The following MMP27 variants were observed in gnomAD, a reference collection of about 807,000 sequenced individuals.
MMP27 encodes matrix metallopeptidase 27.
MMP27 carries 51 observed loss-of-function variants against 48.1 expected under a neutral mutation model. The observed-to-expected ratio is 1.06, with a 90% CI of 0.85 to 1.34. MMP27 has a LOEUF of 1.34. MMP27 is among the 40% of genes most tolerant of loss of function. The pLI is 0.00. For synonymous variants in MMP27, 229 were observed against 208.9 expected (o/e 1.10, Z -0.83); for missense variants, 698 against 619.3 (o/e 1.13, Z -1.35).
At chr11:102,695,853 A>G (rs1353281944) in intron 6 of MMP27, among the ~76,000 whole-genome samples, 2 of 152,240 alleles carry the variant, frequency 1.3e-5, no homozygotes, top group East Asian at 3.8e-4. Context: ...CACTACAGCT[A>G]ACACTTTATT....
intron 9 of MMP27, among the ~76,000 whole-genome samples, chr11:102,692,578 T>C (rs192602094): frequency 6.6e-6 from 1 of 152,354 alleles, no homozygotes; most frequent in Admixed American, 6.5e-5. Flanking sequence ...TCAAATACTT[T>C]GTTTCACACA....
chr11:102,704,654 G>A lies in MMP27; in HGVS notation c.224C>T (p.Thr75Ile). The A allele has an allele frequency of 6.2e-7, 1 of 1,614,042 alleles. No homozygotes were observed. Among genetic ancestry groups the A allele is most frequent in the Non-Finnish European group, 8.5e-7 (1 of 1,179,964 alleles). The change falls in exon 2 of 10, where the codon ACT (threonine) becomes ATT (isoleucine). Residue 75 changes from threonine to isoleucine, a missense_variant. Physicochemically the swap from Thr to Ile is moderately conservative, Grantham distance 89. Coordinates refer to ENST00000260229, the MANE Select transcript of MMP27 (RefSeq NM_022122.3). ...EMQAFFGLTV[T>I]GKLDSNTLEI... Reference sequence around the variant, plus strand: ...AAGGGTGTTTGAGTCCAGTTTTCCAGTCACTGTCAATCCAAAAAATGCTTG... The same window carrying A: ...AAGGGTGTTTGAGTCCAGTTTTCCAATCACTGTCAATCCAAAAAATGCTTG...
chr11:102,694,865 C>G, intron 7 of MMP27, 102 bp downstream of exon 7: 1 of 1,322,494 alleles, frequency 7.6e-7, no homozygotes, highest in South Asian at 1.4e-5. Context: ...AAAAGCCCTG[C>G]GCCTTGGCTC....
At position 102,703,133 on chromosome 11, in the gene MMP27, A is replaced by G. The variant is rs1281641078; in HGVS notation, c.342-15T>C. 4.4e-6 allele frequency: 7 copies of G among 1,605,268 alleles called. No individual in the cohort carries two copies. The highest frequency in any genetic ancestry group is 5.9e-6 in the Non-Finnish European group (7 of 1,177,076). On this transcript the variant is annotated splice_polypyrimidine_tract_variant and intron_variant, in intron 2 of 9. Coordinates refer to ENST00000260229, the MANE Select transcript of MMP27 (RefSeq NM_022122.3). ...AGTTTATTATTCTTAAAAATTAACAAAAATATGTCAATTTCTGGCTTATTC... is the reference window on the plus strand; with the variant it reads ...AGTTTATTATTCTTAAAAATTAACAGAAATATGTCAATTTCTGGCTTATTC...
chr11:102,703,413 G>A (rs905339244), intron 2 of MMP27, among the ~76,000 whole-genome samples: 1 of 152,214 alleles, frequency 6.6e-6, no homozygotes, highest in African/African-American at 2.4e-5. Context: ...TTTATCTCAT[G>A]TACGTGTTGG....
In MMP27 at chr11:102,692,111, G is replaced by A. The variant is rs759691080; in HGVS notation, c.1298-101C>T. 8 of 1,135,114 alleles carry A rather than the reference G, an allele frequency of 7.0e-6. No homozygotes were observed. The East Asian group carries it at 1.1e-4, about 15-fold the overall frequency. 70.3% of individuals were successfully genotyped at this position (1,135,114 alleles called of 1,614,324 possible). A position where few individuals can be genotyped will look rare whatever the true frequency, so the allele number is the denominator to read the frequency against. On this transcript the variant is annotated intron_variant, in intron 9 of 9. Transcript: ENST00000260229. ...GGAAAAAAATAACATTATGGAGAAC[G>A]AAGAAATTTGTGGAATCACATACAT... is the stretch of plus-strand genomic sequence containing the variant.
At chr11:102,696,882 A>G (rs778120463) in intron 4 of MMP27, 47 bp from the exon 5 acceptor site, 37 of 1,571,750 alleles carry the variant, frequency 2.4e-5, no homozygotes, top group Non-Finnish European at 3.1e-5. Context: ...AATCAAAAAG[A>G]GAATGGCTGC....
At chr11:102,701,466 A>C (rs1860939001) in intron 4 of MMP27, among the ~76,000 whole-genome samples, 1 of 152,210 alleles carries the variant, frequency 6.6e-6, no homozygotes, top group Non-Finnish European at 1.5e-5. Context: ...AAGGGGAGTC[A>C]TTCTGATTTT....
rs1860800307 is a variant in MMP27 at position 102,695,107 on chromosome 11, A to G, written c.903-10T>C. ...GATCCTCCATAGGTGCCTGTGTTAA[A>G]CAAAAAACACTTTACACATGCAGCC... On this transcript the variant is annotated splice_polypyrimidine_tract_variant and intron_variant, in intron 6 of 9. Coordinates refer to ENST00000260229, the MANE Select transcript of MMP27 (RefSeq NM_022122.3). 1.9e-6 allele frequency: 3 copies of G among 1,611,628 alleles called. No homozygotes were observed. The South Asian group carries it at 3.3e-5, about 18-fold the overall frequency.
At chr11:102,694,920 G>T (rs1465323605) in intron 7 of MMP27, 47 bp downstream of exon 7, 3 of 1,609,130 alleles carry the variant, frequency 1.9e-6, no homozygotes, top group South Asian at 1.1e-5. Flanking sequence ...CCACTGGTTA[G>T]TTCAGGCAGC....
chr11:102,696,364 A>G lies in MMP27; in HGVS notation c.902+7T>C. The G allele has an allele frequency of 6.2e-7, 1 of 1,613,230 alleles. No homozygotes were observed. The highest frequency in any genetic ancestry group is 8.5e-7 in the Non-Finnish European group (1 of 1,179,458). ...GGAAGTTGAGGTGTTTAGAGAAATG[A>G]GTTTACCTGCCTTTAAAGAACATTA... On this transcript the variant is annotated splice_region_variant and intron_variant, in intron 6 of 9. Coordinates refer to ENST00000260229, the MANE Select transcript of MMP27 (RefSeq NM_022122.3).
chr11:102,702,140 GA>G, intron 4 of MMP27, among the ~76,000 whole-genome samples: 1 of 152,300 alleles, frequency 6.6e-6, no homozygotes, highest in African/African-American at 2.4e-5. Flanking sequence ...GACCCATTGA[GA>G]AAAATAAAAT....
intron 4 of MMP27, among the ~76,000 whole-genome samples, chr11:102,702,162 G>T (rs1281011210): frequency 6.6e-6 from 1 of 152,204 alleles, no homozygotes; most frequent in African/African-American, 2.4e-5. Flanking sequence ...AAACTTACTT[G>T]GTTTGAAGAA....
At chr11:102,696,620 T>G in intron 5 of MMP27, 54 bp downstream of exon 5, 1 of 1,570,360 alleles carries the variant, frequency 6.4e-7, no homozygotes, top group Non-Finnish European at 8.6e-7. Flanking sequence ...TAACTTCCTT[T>G]CTGAAAAGCT....
chr11:102,695,491 T>C (rs1243448020), intron 6 of MMP27, among the ~76,000 whole-genome samples: 1 of 152,196 alleles, frequency 6.6e-6, no homozygotes, highest in Non-Finnish European at 1.5e-5. Context: ...CATGCGAAAA[T>C]ACTTCTTCAG....
chr11:102,692,914 A>G, intron 9 of MMP27, 24 bp downstream of exon 9: 1 of 1,571,432 alleles, frequency 6.4e-7, no homozygotes, highest in Non-Finnish European at 8.8e-7. Context: ...CAAGTATCCC[A>G]ATAAGTGAGA....
At chr11:102,695,857 C>G (rs1234796713) in intron 6 of MMP27, among the ~76,000 whole-genome samples, 1 of 152,202 alleles carries the variant, frequency 6.6e-6, no homozygotes, top group Non-Finnish European at 1.5e-5. Context: ...ACAGCTAACA[C>G]TTTATTGATG....
Position 102,696,676 on chromosome 11 carries a change from T to A in MMP27, c.779A>T (p.Tyr260Phe), listed in dbSNP as rs779290641. 1.9e-6 allele frequency: 3 copies of A among 1,610,870 alleles called. No homozygotes were observed. The highest frequency in any genetic ancestry group is 2.2e-5 in the East Asian group (1 of 44,844). Reference sequence around the variant, plus strand: ...TTGAGATTTATAATTTTGCTCACCATAGATGGACTGGATTCCATTGATATC... The same window carrying A: ...TTGAGATTTATAATTTTGCTCACCAAAGATGGACTGGATTCCATTGATATC... ...QDDINGIQSI[Y>F]GGLPKEPAKP... Residue 260 changes from tyrosine to phenylalanine, a missense_variant and splice_region_variant, in exon 5 of 10, where the codon TAT becomes TTT. Physicochemically the swap from Tyr to Phe is conservative, Grantham distance 22. Coordinates refer to ENST00000260229, the MANE Select transcript of MMP27 (RefSeq NM_022122.3).
At position 102,702,976 on chromosome 11, in the gene MMP27, T is replaced by A. The variant is rs1275390005; in HGVS notation, c.484A>T (p.Thr162Ser). Residue 162 changes from threonine to serine, a missense_variant, in exon 3 of 10, where the codon ACT becomes TCT. By Grantham distance (58) the Thr-to-Ser change is moderately conservative. Coordinates refer to ENST00000260229, the MANE Select transcript of MMP27 (RefSeq NM_022122.3). ...GIADIMIAFR[T>S]RVHGRCPRYF... Reference sequence around the variant, plus strand: ...TCTCTGTTGAAAACCTTACCTCGAGTCCTAAAGGCAATCATGATGTCTGCA... The same window carrying A: ...TCTCTGTTGAAAACCTTACCTCGAGACCTAAAGGCAATCATGATGTCTGCA... The A allele has an allele frequency of 6.2e-7, 1 of 1,613,436 alleles. No homozygotes were observed. Among genetic ancestry groups the A allele is most frequent in the African/African-American group, 1.3e-5 (1 of 74,866 alleles).
Sources: allele counts gnomAD v4.1 joint callset (sites outside exome capture counted in the v4.1 genomes callset), GRCh38; gene constraint gnomAD v4.1.1; transcripts MANE v1.5; gene names NCBI Gene and HGNC (gene_info 2026-07-23, HGNC 2026-07-21).